Variants in ROBO1 observed in about 807,000 individuals in gnomAD.
The protein encoded by ROBO1 is roundabout guidance receptor 1.
ROBO1 carries 149 observed loss-of-function variants against 195.9 expected under a neutral mutation model. The observed-to-expected ratio is 0.76, with a 90% CI of 0.67 to 0.87. ROBO1 has a LOEUF of 0.87. ROBO1 is among the 40% of genes least tolerant of loss of function. The pLI, the probability that ROBO1 is intolerant of heterozygous loss-of-function variation, is 0.00. For synonymous variants in ROBO1, 816 were observed against 733.2 expected (o/e 1.11, Z -1.82); for missense variants, 1,933 against 2,068.3 (o/e 0.93, Z 1.27).
chr3:79,487,513 C>A (rs1441680957), intron 2 of ROBO1, among the ~76,000 whole-genome samples: 1 of 152,152 alleles, frequency 6.6e-6, no homozygotes, highest in Non-Finnish European at 1.5e-5. Flanking sequence ...CTGCGCCGAG[C>A]CAACTTTCTG....
intron 2 of ROBO1, among the ~76,000 whole-genome samples, chr3:79,273,308 C>G (rs758650515): frequency 1.3e-5 from 2 of 151,844 alleles, no homozygotes; most frequent in African/African-American, 4.8e-5. Flanking sequence ...AACAACTTTT[C>G]CAGACATAAT....
At chr3:78,619,711 T>C (rs554765546) in intron 26 of ROBO1, among the ~76,000 whole-genome samples, 14 of 151,990 alleles carry the variant, frequency 9.2e-5, no homozygotes, top group Non-Finnish European at 1.6e-4. Context: ...GAATGCACAA[T>C]TGAGGTTTTA....
At chr3:79,344,120 T>C (rs2109236519) in intron 2 of ROBO1, among the ~76,000 whole-genome samples, 1 of 152,280 alleles carries the variant, frequency 6.6e-6, no homozygotes, top group East Asian at 1.9e-4. Context: ...GGGATGGTTG[T>C]GTATGTTGAT....
At chr3:79,112,700 T>C (rs2079909180) in intron 3 of ROBO1, among the ~76,000 whole-genome samples, 1 of 147,366 alleles carries the variant, frequency 6.8e-6, no homozygotes, top group Non-Finnish European at 1.5e-5. Flanking sequence ...AGGTGGGAAT[T>C]GAACAATGAG....
chr3:79,726,948 T>C (rs538309304), intron 1 of ROBO1, among the ~76,000 whole-genome samples: 10 of 152,328 alleles, frequency 6.6e-5, no homozygotes, highest in African/African-American at 2.4e-4. Flanking sequence ...CTCATAGTCT[T>C]AGGTTTGACT....
chr3:78,684,531 G>A (rs182448070), intron 10 of ROBO1, among the ~76,000 whole-genome samples: 3 of 152,116 alleles, frequency 2.0e-5, no homozygotes, highest in African/African-American at 4.8e-5. Context: ...TTCAGTTTAC[G>A]TAATCGGGAA....
In ROBO1 at chr3:78,892,689, G is replaced by T. The variant is rs114640129; in HGVS notation, c.499+45912C>A. Among the ~76,000 whole-genome samples the T allele has an allele frequency of 2.1e-3, 325 of 152,234 alleles. 3 individuals are homozygous for T. The highest frequency in any genetic ancestry group is 2.9e-3 in the Non-Finnish European group (195 of 68,014). On this transcript the variant is annotated intron_variant, in intron 4 of 30. Coordinates refer to ENST00000464233, the MANE Select transcript of ROBO1 (RefSeq NM_002941.4). ...ATAAAAGGCTGCAATATTTTTGGTA[G>T]GTGGATCAGTGAAGAAATACTTAGT... is the stretch of plus-strand genomic sequence containing the variant.
intron 8 of ROBO1, among the ~76,000 whole-genome samples, chr3:78,712,974 A>C (rs1476677523): frequency 2.6e-5 from 4 of 152,202 alleles, no homozygotes; most frequent in Non-Finnish European, 5.9e-5. Flanking sequence ...GGAGATAGAC[A>C]CACCTTTTCA....
chr3:79,029,765 T>C (rs1458479343), intron 3 of ROBO1, among the ~76,000 whole-genome samples: 3 of 152,222 alleles, frequency 2.0e-5, no homozygotes, highest in Non-Finnish European at 2.9e-5. Flanking sequence ...CAGGAAAGCC[T>C]ACCTAGACCT....
At chr3:78,702,026 T>C (rs2081432375) in intron 8 of ROBO1, among the ~76,000 whole-genome samples, 1 of 152,212 alleles carries the variant, frequency 6.6e-6, no homozygotes, top group African/African-American at 2.4e-5. Context: ...CTACACAGTG[T>C]GAACTTCTAA....
chr3:78,629,170 CCTT>C (rs1190378046), intron 25 of ROBO1, among the ~76,000 whole-genome samples: 1 of 152,070 alleles, frequency 6.6e-6, no homozygotes, highest in Non-Finnish European at 1.5e-5. Flanking sequence ...CCATAAAACC[CCTT>C]CTTCTTAACT....
intron 1 of ROBO1, among the ~76,000 whole-genome samples, chr3:79,603,754 A>G (rs1425673346): frequency 6.6e-6 from 1 of 152,080 alleles, no homozygotes; most frequent in Non-Finnish European, 1.5e-5. Context: ...AACTAAAATG[A>G]TTGGAGGTAT....
intron 4 of ROBO1, among the ~76,000 whole-genome samples, chr3:78,769,956 G>T (rs2083329610): frequency 6.6e-6 from 1 of 152,098 alleles, no homozygotes; most frequent in Middle Eastern, 3.2e-3. Context: ...CTATTAATCT[G>T]ATAGGTTTTC....
chr3:79,339,790 C>T (rs1470501932), intron 2 of ROBO1, among the ~76,000 whole-genome samples: 1 of 152,170 alleles, frequency 6.6e-6, no homozygotes, highest in Non-Finnish European at 1.5e-5. Flanking sequence ...TTAGAAGGTA[C>T]CCAAAACACA....
chr3:79,112,910 T>A (rs1450174235), intron 3 of ROBO1, among the ~76,000 whole-genome samples: 3 of 151,484 alleles, frequency 2.0e-5, no homozygotes, highest in Non-Finnish European at 4.4e-5. Flanking sequence ...ACTTAAAGTA[T>A]AATAAAAAAA....
At chr3:79,222,127 T>G (rs1024368814) in intron 2 of ROBO1, among the ~76,000 whole-genome samples, 1 of 152,100 alleles carries the variant, frequency 6.6e-6, no homozygotes, top group Non-Finnish European at 1.5e-5. Context: ...CTTTTTCCTG[T>G]GATACCATCT....
At chr3:79,752,000 T>C (rs1704148503) in intron 1 of ROBO1, among the ~76,000 whole-genome samples, 2 of 152,238 alleles carry the variant, frequency 1.3e-5, no homozygotes, top group South Asian at 2.1e-4. Flanking sequence ...ACCATATGCA[T>C]AGCAGCTACA....
chr3:79,355,888 A>C (rs1489848), intron 2 of ROBO1, among the ~76,000 whole-genome samples: 112,549 of 152,078 alleles, frequency 0.74, 42,905 homozygotes, highest in African/African-American at 0.94. Context: ...GCAGAAATAT[A>C]TTCAACATAC....
intron 2 of ROBO1, among the ~76,000 whole-genome samples, chr3:79,195,048 G>A (rs1268933671): frequency 6.6e-6 from 1 of 151,608 alleles, no homozygotes; most frequent in Non-Finnish European, 1.5e-5. Context: ...GTTTTTCTAA[G>A]TTTTATCTAC....
Sources: gnomAD v4.1 joint callset for allele counts (sites outside exome capture counted in the v4.1 genomes callset) on GRCh38, gnomAD v4.1.1 for gene constraint, MANE v1.5 for transcripts, NCBI Gene and HGNC (gene_info 2026-07-23, HGNC 2026-07-21) for gene names.